IGFN1: variants seen among roughly 807,000 people sequenced by gnomAD.
IGFN1 encodes the protein immunoglobulin-like and fibronectin type III domain-containing protein 1.
Under a neutral mutation model 289.5 loss-of-function variants are expected in IGFN1, and 253 were observed. That is an observed-to-expected ratio of 0.87 (90% CI 0.79 to 0.97). The LOEUF is 0.97. Among genes scored for constraint, IGFN1 ranks in the 50% least tolerant of loss-of-function variants. The pLI is 0.00. For synonymous variants in IGFN1, 1,706 were observed against 1,788.5 expected (o/e 0.95, Z 1.16); for missense variants, 4,470 against 4,686.1 (o/e 0.95, Z 1.35).
rs763189840 is a variant in IGFN1, at chr1:201,221,518, C to T, written c.9973C>T (p.Pro3325Ser). 6.2e-7 allele frequency: 1 copy of T among 1,613,764 alleles called. No individual in the cohort carries two copies. The highest frequency in any genetic ancestry group is 1.3e-5 in the African/African-American group (1 of 74,926). ...NTSITLSWAG[P>S]DTQEGDEAQG... Reference sequence around the variant, plus strand: ...CAGCATCACTCTGAGCTGGGCTGGGCCAGACACCCAGGAAGGGGATGAAGC... The same window carrying T: ...CAGCATCACTCTGAGCTGGGCTGGGTCAGACACCCAGGAAGGGGATGAAGC... The change falls in exon 19 of 24, where the codon CCA (proline) becomes TCA (serine). Residue 3325 changes from proline to serine, a missense_variant. Coordinates refer to ENST00000335211, the MANE Select transcript of IGFN1 (RefSeq NM_001164586.2).
chr1:201,217,533 C>G, intron 17 of IGFN1, 73 bp downstream of exon 17: 1 of 1,511,830 alleles, frequency 6.6e-7, no homozygotes, highest in Non-Finnish European at 9.1e-7. Context: ...CTTTTCAGTT[C>G]AGATTGGTTT....
chr1:201,216,044 G>C (rs541601087), intron 15 of IGFN1: 57 of 726,690 alleles, frequency 7.8e-5, no homozygotes, highest in African/African-American at 2.4e-4. Flanking sequence ...GCTCCTGCTG[G>C]GGGGGAGGAG....
chr1:201,200,193 G>A (rs1667087225), intron 7 of IGFN1, 44 bp from the exon 8 acceptor site: 1 of 1,509,760 alleles, frequency 6.6e-7, no homozygotes, highest in Non-Finnish European at 9.0e-7. Flanking sequence ...CAACAGAGGA[G>A]CAGGGATTCC....
intron 19 of IGFN1, 82 bp from the exon 20 acceptor site, chr1:201,222,657 C>T (rs549864921): frequency 3.7e-4 from 343 of 919,108 alleles, no homozygotes; most frequent in Non-Finnish European, 5.4e-4. Flanking sequence ...TCTTCCCCTC[C>T]AGCCCTACCT....
At chr1:201,223,406 T>C (rs1653872859) in intron 20 of IGFN1, among the ~76,000 whole-genome samples, 1 of 149,886 alleles carries the variant, frequency 6.7e-6, no homozygotes, top group Non-Finnish European at 1.5e-5. Flanking sequence ...AGTCTCACTC[T>C]GTCACCCAGG....
rs1293186678 is a variant in IGFN1, at chr1:201,213,365, G to A, written c.8472G>A (p.Gly2824=). ...GGAGCAGGTCTCAGGCACAGTCAGG[G>A]GCTGAGGTTGGAGGAGGAAAGAGAA... ...SLRSRSQAQS[G]AEVGGGKRRG... Residue 2824 remains glycine (G), a synonymous_variant, in exon 12 of 24, where the codon GGG becomes GGA. Coordinates refer to ENST00000335211, the MANE Select transcript of IGFN1 (RefSeq NM_001164586.2). 4 of 1,612,012 alleles carry A rather than the reference G, an allele frequency of 2.5e-6. No homozygotes were observed. The highest frequency in any genetic ancestry group is 1.3e-5 in the African/African-American group (1 of 74,880).
rs1313482905 is a variant in IGFN1 at position 201,209,587 on chromosome 1, G to A, written c.4694G>A (p.Gly1565Asp). ...GAAATGGGGTCAGTGAATAAGGCAGGTTATAGGAAGGATTTGGGGGCTCCT... is the reference window on the plus strand; with the variant it reads ...GAAATGGGGTCAGTGAATAAGGCAGATTATAGGAAGGATTTGGGGGCTCCT... ...SEEMGSVNKA[G>D]YRKDLGAPKG... The change falls in exon 12 of 24, where the codon GGT (glycine) becomes GAT (aspartate). Residue 1565 changes from glycine (G) to aspartate (D), a missense_variant. By Grantham distance (94) the Gly-to-Asp change is moderately conservative. Transcript: ENST00000335211. 16 of 1,527,840 alleles carry A rather than the reference G, an allele frequency of 1.0e-5. No homozygotes were observed. The highest frequency in any genetic ancestry group is 5.5e-5 in the African/African-American group (4 of 72,716). The allele number at this position is 1,527,840 out of a possible 1,614,324, so 94.6% of individuals were successfully genotyped here. A position where few individuals can be genotyped will look rare whatever the true frequency, so the allele number is the denominator to read the frequency against.
At chr1:201,219,773 A>C (rs1163985750) in intron 18 of IGFN1, among the ~76,000 whole-genome samples, 2 of 152,144 alleles carry the variant, frequency 1.3e-5, no homozygotes, top group Non-Finnish European at 2.9e-5. Flanking sequence ...CATTCTGTAC[A>C]TTTCATTGTT....
intron 21 of IGFN1, 108 bp from the exon 22 acceptor site, chr1:201,225,716 C>T: frequency 1.0e-6 from 1 of 954,384 alleles, no homozygotes; most frequent in Admixed American, 3.0e-5. Flanking sequence ...ACTTGTGTGG[C>T]AAGACTGCGT....
At position 201,210,713 on chromosome 1, in the gene IGFN1, T is replaced by C; in HGVS notation, c.5820T>C (p.Ser1940=). The change falls in exon 12 of 24, where the codon AGT becomes AGC. Residue 1940 remains serine, a synonymous_variant. Coordinates refer to ENST00000335211, the MANE Select transcript of IGFN1 (RefSeq NM_001164586.2). ...CTCCTGAGGGAATGGGTTCAGGGAG[T>C]AAGGAAGGTTTCAGGGATGGTTTAG... ...LGAPEGMGSG[S]KEGFRDGLGG... 1 of 1,524,160 alleles carries C rather than the reference T, an allele frequency of 6.6e-7. No individual in the cohort carries two copies. Among genetic ancestry groups the C allele is most frequent in the Non-Finnish European group, 8.7e-7 (1 of 1,143,284 alleles). The allele number at this position is 1,524,160 out of a possible 1,614,324, so 94.4% of individuals were successfully genotyped here. A position where few individuals can be genotyped will look rare whatever the true frequency, so the allele number is the denominator to read the frequency against.
intron 14 of IGFN1, among the ~76,000 whole-genome samples, 159 bp downstream of exon 14, chr1:201,215,313 C>A (rs1175185737): frequency 6.6e-6 from 1 of 152,186 alleles, no homozygotes; most frequent in African/African-American, 2.4e-5. Flanking sequence ...GACTCATACC[C>A]TGCCTATTCC....
chr1:201,212,369 A>G lies in IGFN1; in HGVS notation c.7476A>G (p.Glu2492=). 2 of 1,536,892 alleles carry G rather than the reference A, an allele frequency of 1.3e-6. No individual in the cohort carries two copies. The highest frequency in any genetic ancestry group is 1.7e-6 in the Non-Finnish European group (2 of 1,146,808). ...CCAAGGGAAAACCAGATGTCAAAGA[A>G]TGGCAAGACAGTTCTGGGACTCCAG... is the stretch of plus-strand genomic sequence containing the variant. The part of the protein sequence containing the change: ...AGAKGKPDVK[E]WQDSSGTPGS... The change falls in exon 12 of 24, where the codon GAA becomes GAG. Residue 2492 remains glutamate, a synonymous_variant. Transcript: ENST00000335211.
In IGFN1 at chr1:201,227,118, A is replaced by G; in HGVS notation, c.11023A>G (p.Ser3675Gly). The G allele has an allele frequency of 6.2e-7, 1 of 1,613,538 alleles. No individual in the cohort carries two copies. Among genetic ancestry groups the G allele is most frequent in the Non-Finnish European group, 8.5e-7 (1 of 1,180,026 alleles). Residue 3675 changes from serine (S) to glycine (G), a missense_variant, in exon 23 of 24, where the codon AGC becomes GGC. By Grantham distance (56) the Ser-to-Gly change is moderately conservative (BLOSUM62 0). Transcript: ENST00000335211. ...GGGCGTGTGCTCCCTCACCATCCCCAGCGTATCCCCGAAGGACAGCGGGGA... is the reference window on the plus strand; with the variant it reads ...GGGCGTGTGCTCCCTCACCATCCCCGGCGTATCCCCGAAGGACAGCGGGGA... The part of the protein sequence containing the change: ...LLGVCSLTIP[S>G]VSPKDSGEYK...
At chr1:201,192,873 C>T (rs975764839) in intron 1 of IGFN1, among the ~76,000 whole-genome samples, 1 of 152,282 alleles carries the variant, frequency 6.6e-6, no homozygotes, top group Non-Finnish European at 1.5e-5. Flanking sequence ...CTGAAAGGAT[C>T]CTGAATGGGT....
At chr1:201,192,157 C>T (rs1666687704) in intron 1 of IGFN1, among the ~76,000 whole-genome samples, 1 of 152,000 alleles carries the variant, frequency 6.6e-6, no homozygotes, top group Admixed American at 6.5e-5. Flanking sequence ...TTCCAGCACG[C>T]TAGGGTGCAG....
rs1282901411 is a variant in IGFN1, at chr1:201,210,743, T to C, written c.5850T>C (p.Gly1950=). 9.2e-6 allele frequency: 14 copies of C among 1,526,232 alleles called. No homozygotes were observed. The highest frequency in any genetic ancestry group is 2.5e-5 in the East Asian group (1 of 40,064). 94.5% of individuals were successfully genotyped at this position (1,526,232 alleles called of 1,614,324 possible). A position where few individuals can be genotyped will look rare whatever the true frequency, so the allele number is the denominator to read the frequency against. ...SKEGFRDGLG[G]SEEMGSVNKA... Reference sequence around the variant, plus strand: ...AAGGTTTCAGGGATGGTTTAGGGGGTTCTGAAGAAATGGGGTCAGTGAATA... The same window carrying C: ...AAGGTTTCAGGGATGGTTTAGGGGGCTCTGAAGAAATGGGGTCAGTGAATA... The change falls in exon 12 of 24, where the codon GGT becomes GGC. Residue 1950 remains glycine, a synonymous_variant. Transcript: ENST00000335211.
intron 6 of IGFN1, 67 bp from the exon 7 acceptor site, chr1:201,199,542 A>G (rs1667058652): frequency 6.7e-7 from 1 of 1,487,626 alleles, no homozygotes; most frequent in Admixed American, 2.0e-5. Flanking sequence ...GACAACACAG[A>G]AAAGCTCTGC....
At position 201,209,125 on chromosome 1, in the gene IGFN1, G is replaced by A; in HGVS notation, c.4232G>A (p.Arg1411Lys). The A allele has an allele frequency of 6.5e-7, 1 of 1,533,090 alleles. No individual in the cohort carries two copies. Among genetic ancestry groups the A allele is most frequent in the South Asian group, 1.2e-5 (1 of 83,418 alleles). The allele number at this position is 1,533,090 out of a possible 1,614,324, so 95.0% of individuals were successfully genotyped here. A position where few individuals can be genotyped will look rare whatever the true frequency, so the allele number is the denominator to read the frequency against. ...EMGSLDESGHRNGIGGYGEMG... is the reference protein window; with the variant it reads ...EMGSLDESGHKNGIGGYGEMG... Reference sequence around the variant, plus strand: ...GGGTCACTGGATGAGTCAGGTCATAGGAATGGGATTGGAGGTTATGGGGAA... The same window carrying A: ...GGGTCACTGGATGAGTCAGGTCATAAGAATGGGATTGGAGGTTATGGGGAA... The change falls in exon 12 of 24, where the codon AGG becomes AAG. Residue 1411 changes from arginine to lysine, a missense_variant. Arg to Lys is a conservative substitution (Grantham distance 26). Around this residue, in one of 8 missense-constraint regions of IGFN1, gnomAD observed 2,011 missense variants for 1,953.4 expected, o/e 1.03. Transcript: ENST00000335211.
At chr1:201,218,260 G>T (rs999209207) in intron 17 of IGFN1, among the ~76,000 whole-genome samples, 8 of 152,226 alleles carry the variant, frequency 5.3e-5, no homozygotes, top group Non-Finnish European at 1.0e-4. Context: ...CAGCAACTCT[G>T]TAAGGCAGAG....
Sources: allele counts gnomAD v4.1 joint callset (sites outside exome capture counted in the v4.1 genomes callset), GRCh38; gene constraint gnomAD v4.1.1; regional missense constraint gnomAD v4.1.1; transcripts MANE v1.5; gene names NCBI Gene and HGNC (gene_info 2026-07-23, HGNC 2026-07-21).